RYR3: variants seen among roughly 807,000 people sequenced by gnomAD.
The protein encoded by RYR3 is brain ryanodine receptor-calcium release channel.
A neutral mutation model predicts 584.3 loss-of-function variants in RYR3; 207 were observed. That is an observed-to-expected ratio of 0.35 (90% CI 0.32 to 0.40). The LOEUF is 0.40. Among genes scored for constraint, RYR3 ranks in the 10% least tolerant of loss-of-function variants. The pLI is 1.00. For missense variants in RYR3, 5,616 were observed against 6,089.2 expected, an observed-to-expected ratio of 0.92 and a Z score of 2.59; for synonymous variants, 2,416 against 2,248.5, an observed-to-expected ratio of 1.07 and a Z score of -2.11.
chr15:33,674,696 C>A (rs1413151563), intron 38 of RYR3, among the ~76,000 whole-genome samples: 2 of 147,312 alleles, frequency 1.4e-5, no homozygotes, highest in African/African-American at 2.5e-5. Flanking sequence ...AAAGTACAGA[C>A]AAAATACAGT....
intron 38 of RYR3, among the ~76,000 whole-genome samples, chr15:33,675,977 A>G (rs1347202261): frequency 8.9e-6 from 1 of 112,112 alleles, no homozygotes; most frequent in Non-Finnish European, 2.2e-5. Context: ...AGCCAGGATA[A>G]TTGCCCCCCA....
intron 66 of RYR3, among the ~76,000 whole-genome samples, chr15:33,786,829 G>A (rs2074754987): frequency 6.6e-6 from 1 of 152,146 alleles, no homozygotes; most frequent in African/African-American, 2.4e-5. Context: ...TACTTTCCTG[G>A]ACAAAGGAAT....
chr15:33,840,970 C>T, intron 90 of RYR3, 87 bp downstream of exon 90: 2 of 1,221,214 alleles, frequency 1.6e-6, no homozygotes, highest in South Asian at 2.6e-5. Context: ...GTAATCCCAG[C>T]ACTTTGAGAG....
At position 33,845,015 on chromosome 15, in the gene RYR3, C is replaced by A; in HGVS notation, c.13450C>A (p.His4484Asn). Residue 4484 changes from histidine to asparagine, a missense_variant, in exon 93 of 104, where the codon CAT (histidine) becomes AAT (asparagine). Physicochemically the swap from His to Asn is moderately conservative, Grantham distance 68. Transcript: ENST00000634891. ...APTLRALAII[H>N]TIISLVCVVG... ...AACCCTGCGTGCCCTGGCCATCATC[C>A]ATACCATCATCTCTCTAGTCTGTGT... The A allele has an allele frequency of 6.2e-7, 1 of 1,614,032 alleles. No individual in the cohort carries two copies. Among genetic ancestry groups the A allele is most frequent in the South Asian group, 1.1e-5 (1 of 91,080 alleles).
intron 10 of RYR3, among the ~76,000 whole-genome samples, chr15:33,559,551 G>T (rs1452087530): frequency 1.3e-5 from 2 of 152,152 alleles, no homozygotes; most frequent in East Asian, 1.9e-4. Flanking sequence ...CAAGGCTGGG[G>T]TAAACAGTTT....
At chr15:33,780,133 T>TG in intron 64 of RYR3, 78 bp from the exon 65 acceptor site, 1 of 1,550,856 alleles carries the variant, frequency 6.4e-7, no homozygotes, top group Non-Finnish European at 8.7e-7. Context: ...GATTAATCTA[T>TG]GGGGAAGGCC....
chr15:33,699,915 A>G, intron 41 of RYR3, 82 bp downstream of exon 41: 2 of 1,395,610 alleles, frequency 1.4e-6, no homozygotes, highest in Non-Finnish European at 2.0e-6. Flanking sequence ...AATACAGGGA[A>G]AGGAGCCACA....
At chr15:33,345,670 A>G (rs1181608548) in intron 1 of RYR3, among the ~76,000 whole-genome samples, 2 of 152,174 alleles carry the variant, frequency 1.3e-5, no homozygotes, top group African/African-American at 4.8e-5. Context: ...AGCAGAGCAG[A>G]AGGAGAAGAG....
In RYR3 at chr15:33,344,492, A is replaced by AAT. The variant is rs1475573215; in HGVS notation, c.51+33407_51+33408dup. The stretch of plus-strand genomic sequence containing the variant: ...TTTTGTACGTTCATTTTTAGTGGAC[A>AAT]ATATATATATATTTTTCCAGAAGAC... On this transcript the variant is annotated intron_variant, in intron 1 of 103. Transcript: ENST00000634891. Among the ~76,000 whole-genome samples the AAT allele has an allele frequency of 3.3e-5, 5 of 152,076 alleles. No individual in the cohort carries two copies. The East Asian group carries it at 5.8e-4, about 18-fold the overall frequency.
intron 2 of RYR3, among the ~76,000 whole-genome samples, chr15:33,487,460 T>C (rs2050553371): frequency 6.6e-6 from 1 of 152,222 alleles, no homozygotes; most frequent in Admixed American, 6.5e-5. Context: ...TAGTGGCATG[T>C]AGCAGATAGA....
In RYR3 at chr15:33,696,498, G is replaced by T; in HGVS notation, c.6134+7G>T. 1 of 1,613,782 alleles carries T rather than the reference G, an allele frequency of 6.2e-7. No homozygotes were observed. Among genetic ancestry groups the T allele is most frequent in the South Asian group, 1.1e-5 (1 of 91,044 alleles). On this transcript the variant is annotated splice_region_variant and intron_variant, in intron 39 of 103. Coordinates refer to ENST00000634891, the MANE Select transcript of RYR3 (RefSeq NM_001036.6). ...TCATGATCAATGGGCTGGGGTAGGTGATTCACGGTTACGTGCTGTTCTCTC... is the reference window on the plus strand; with the variant it reads ...TCATGATCAATGGGCTGGGGTAGGTTATTCACGGTTACGTGCTGTTCTCTC...
chr15:33,472,154 T>G (rs2572188), intron 1 of RYR3, among the ~76,000 whole-genome samples: 14,444 of 152,246 alleles, frequency 0.095, 801 homozygotes, highest in African/African-American at 0.14. Flanking sequence ...CTAGTAAAAC[T>G]GTGGAGCTAT....
At chr15:33,738,880 C>G (rs571944227) in intron 50 of RYR3, among the ~76,000 whole-genome samples, 5 of 152,192 alleles carry the variant, frequency 3.3e-5, no homozygotes, top group Non-Finnish European at 7.3e-5. Flanking sequence ...TGATGTCAGT[C>G]TTTGATGTCT....
chr15:33,437,461 A>G (rs1271232071), intron 1 of RYR3, among the ~76,000 whole-genome samples: 1 of 152,244 alleles, frequency 6.6e-6, no homozygotes, highest in East Asian at 1.9e-4. Flanking sequence ...TTAGTTTTTC[A>G]GGAAGGGAAA....
At chr15:33,381,154 C>T (rs1458246697) in intron 1 of RYR3, among the ~76,000 whole-genome samples, 1 of 152,160 alleles carries the variant, frequency 6.6e-6, no homozygotes, top group Non-Finnish European at 1.5e-5. Context: ...AGTCCAGGTT[C>T]CTCAGTTTGC....
At chr15:33,473,648 A>G (rs1033511860) in intron 2 of RYR3, 110 bp downstream of exon 2, 2 of 1,114,746 alleles carry the variant, frequency 1.8e-6, no homozygotes, top group South Asian at 1.5e-5. Context: ...GAAAGGACAC[A>G]TTTATTTTTT....
intron 3 of RYR3, 140 bp downstream of exon 3, chr15:33,503,878 C>T (rs1453884750): frequency 3.2e-6 from 2 of 626,000 alleles, no homozygotes; most frequent in Admixed American, 5.5e-5. Flanking sequence ...ATCTTTCTCC[C>T]TGAGTTGAGT....
intron 102 of RYR3, 133 bp from the exon 103 acceptor site, chr15:33,864,004 AC>A (rs1889492189): frequency 1.6e-6 from 1 of 611,944 alleles, no homozygotes. Context: ...CTTATGCCAC[AC>A]TTCCCTGATC....
chr15:33,511,238 A>T (rs971146156), intron 3 of RYR3, among the ~76,000 whole-genome samples: 1 of 151,938 alleles, frequency 6.6e-6, no homozygotes, highest in African/African-American at 2.4e-5. Context: ...GAAAAACAGG[A>T]AAAACAAACT....
Sources: allele counts gnomAD v4.1 joint callset (sites outside exome capture counted in the v4.1 genomes callset), GRCh38; gene constraint gnomAD v4.1.1; transcripts MANE v1.5; gene names NCBI Gene and HGNC (gene_info 2026-07-23, HGNC 2026-07-21).